PARD3B: variants seen among roughly 807,000 people sequenced by gnomAD.
PARD3B encodes partitioning defective 3 homolog B.
Under a neutral mutation model 130.2 loss-of-function variants are expected in PARD3B, and 103 were observed. The ratio of observed to expected loss-of-function variants is 0.79; its 90% CI spans 0.67 to 0.93. The LOEUF is 0.93. Ranked by LOEUF, PARD3B falls within the 40% of genes least tolerant of loss-of-function variation. PARD3B has a pLI of 0.00. For synonymous variants in PARD3B, 583 were observed against 553.2 expected (o/e 1.05, Z -0.76); for missense variants, 1,609 against 1,499.2 (o/e 1.07, Z -1.21).
rs1407734894 is a variant in PARD3B at position 205,182,514 on chromosome 2, G to C, written c.1925-3250G>C. On this transcript the variant is annotated intron_variant, in intron 13 of 22. Coordinates refer to ENST00000406610, the MANE Select transcript of PARD3B (RefSeq NM_001302769.2). ...TAGAGAAGAGACTGTAGAAGACATGGAAAAACGAGAAAGAGGAACACGAGG... is the reference window on the plus strand; with the variant it reads ...TAGAGAAGAGACTGTAGAAGACATGCAAAAACGAGAAAGAGGAACACGAGG... 2.0e-5 allele frequency among the ~76,000 whole-genome samples: 3 copies of C among 151,824 alleles called. No individual in the cohort carries two copies. In the East Asian group the frequency reaches 5.8e-4, roughly 29 times the overall value.
At chr2:205,450,257 G>T (rs901294881) in intron 20 of PARD3B, among the ~76,000 whole-genome samples, 2 of 152,026 alleles carry the variant, frequency 1.3e-5, no homozygotes, top group South Asian at 2.1e-4. Flanking sequence ...GAAGGTTATT[G>T]ATTGTATCTA....
intron 16 of PARD3B, among the ~76,000 whole-genome samples, chr2:205,254,347 A>G (rs569466597): frequency 2.0e-5 from 3 of 152,254 alleles, no homozygotes; most frequent in African/African-American, 7.2e-5. Context: ...GAGCTCTTAC[A>G]TAATGGACCT....
intron 3 of PARD3B, among the ~76,000 whole-genome samples, chr2:204,984,091 C>G (rs1439543720): frequency 1.3e-5 from 2 of 151,934 alleles, no homozygotes; most frequent in African/African-American, 4.8e-5. Flanking sequence ...GGAGTTTTGC[C>G]TTCCCTGCAT....
rs183783135 is a variant in PARD3B at position 204,596,186 on chromosome 2, C to A, written c.120+50067C>A. ...ATTGTCTAATAACCATGATTTCCTC[C>A]TTTTTTGCTTTGAACAAACTTTTTG... is the stretch of plus-strand genomic sequence containing the variant. On this transcript the variant is annotated intron_variant, in intron 1 of 22. Transcript: ENST00000406610. 5.3e-5 allele frequency among the ~76,000 whole-genome samples: 8 copies of A among 152,222 alleles called. No individual in the cohort carries two copies. The East Asian group carries it at 1.5e-3, about 29-fold the overall frequency.
At chr2:204,847,775 A>G (rs2044524758) in intron 2 of PARD3B, among the ~76,000 whole-genome samples, 2 of 152,176 alleles carry the variant, frequency 1.3e-5, no homozygotes, top group Admixed American at 1.3e-4. Context: ...CAATTTGAAT[A>G]TGCTAAAGAG....
At position 205,253,741 on chromosome 2, in the gene PARD3B, G is replaced by C. The variant is rs2039954403; in HGVS notation, c.2185+7919G>C. On this transcript the variant is annotated intron_variant, in intron 16 of 22. Coordinates refer to ENST00000406610, the MANE Select transcript of PARD3B (RefSeq NM_001302769.2). This position sits in a 1 kb window ranked among gnomAD's most constrained non-coding sequence, Gnocchi z 4.4. ...GCTAGCATGAGCTGTGCAGCAGCAA[G>C]ATTCCATATGAGCAAAGTGCAGAAA... Among the ~76,000 whole-genome samples the C allele has an allele frequency of 6.6e-6, 1 of 152,124 alleles. No homozygotes were observed. Among genetic ancestry groups the C allele is most frequent in the South Asian group, 2.1e-4 (1 of 4,830 alleles).
chr2:204,829,979 A>T, intron 2 of PARD3B, among the ~76,000 whole-genome samples: 1 of 140,624 alleles, frequency 7.1e-6, no homozygotes, highest in Non-Finnish European at 1.5e-5. Context: ...AGCCTGGGCG[A>T]CAGAGCGAGA....
chr2:205,587,798 C>T (rs1372204665), intron 22 of PARD3B, among the ~76,000 whole-genome samples: 1 of 152,218 alleles, frequency 6.6e-6, no homozygotes, highest in Non-Finnish European at 1.5e-5. Flanking sequence ...TGAGCTATTT[C>T]GTTTCCTCCC....
intron 2 of PARD3B, among the ~76,000 whole-genome samples, chr2:204,956,260 C>T (rs376144909): frequency 1.3e-5 from 2 of 152,026 alleles, no homozygotes; most frequent in South Asian, 2.1e-4. Flanking sequence ...GTTTCTGAGA[C>T]GATTCTATCT....
chr2:205,198,365 G>C (rs142578625), intron 15 of PARD3B, among the ~76,000 whole-genome samples: 1 of 152,176 alleles, frequency 6.6e-6, no homozygotes, highest in Non-Finnish European at 1.5e-5. Flanking sequence ...AATGAAGATT[G>C]TTAACATTCC....
chr2:205,165,860 G>C (rs187169764), intron 11 of PARD3B, among the ~76,000 whole-genome samples: 13 of 152,196 alleles, frequency 8.5e-5, no homozygotes, highest in Admixed American at 8.5e-4. Context: ...GACAATAACT[G>C]AATTACATAA....
At chr2:205,573,672 T>C (rs1391845229) in intron 22 of PARD3B, among the ~76,000 whole-genome samples, 1 of 152,234 alleles carries the variant, frequency 6.6e-6, no homozygotes, top group Admixed American at 6.5e-5. Context: ...GGTTCTATCA[T>C]TGATCACCAT....
rs2039347639 is a variant in PARD3B at position 205,241,422 on chromosome 2, A to G, written c.2141-4356A>G. On this transcript the variant is annotated intron_variant, in intron 15 of 22. Coordinates refer to ENST00000406610, the MANE Select transcript of PARD3B (RefSeq NM_001302769.2). The surrounding 1 kb of genome is among the most constrained non-coding windows in gnomAD (Gnocchi z 4.2). ...GTTATAATAAAATAACAGTTATAAA[A>G]ATATTTATGAATTGCAGCTTCAGAA... Among the ~76,000 whole-genome samples, 1 of 152,174 alleles carries G rather than the reference A, an allele frequency of 6.6e-6. No individual in the cohort carries two copies. Among genetic ancestry groups the G allele is most frequent in the Non-Finnish European group, 1.5e-5 (1 of 68,022 alleles).
intron 2 of PARD3B, among the ~76,000 whole-genome samples, chr2:204,899,691 G>A (rs1159675711): frequency 6.6e-6 from 1 of 152,008 alleles, no homozygotes; most frequent in Non-Finnish European, 1.5e-5. Context: ...GTGTTTTTCA[G>A]TGTATTACCA....
At chr2:205,348,747 T>C (rs1327757955) in intron 18 of PARD3B, among the ~76,000 whole-genome samples, 8 of 152,204 alleles carry the variant, frequency 5.3e-5, no homozygotes, top group Admixed American at 5.2e-4. Flanking sequence ...TGCATGCTCT[T>C]TAATTCTCAT....
In PARD3B at chr2:205,611,675, G is replaced by A. The variant is rs1043663600; in HGVS notation, c.3261-3781G>A. On this transcript the variant is annotated intron_variant, in intron 22 of 22. Coordinates refer to ENST00000406610, the MANE Select transcript of PARD3B (RefSeq NM_001302769.2). Reference sequence around the variant, plus strand: ...ATGAGCCTAATCCGAAATAAAATAAGCAATAATTTCAAAATATAGGTATTT... The same window carrying A: ...ATGAGCCTAATCCGAAATAAAATAAACAATAATTTCAAAATATAGGTATTT... 4.6e-5 allele frequency among the ~76,000 whole-genome samples: 7 copies of A among 152,060 alleles called. No homozygotes were observed. In the East Asian group the frequency reaches 1.2e-3, roughly 25 times the overall value.
intron 4 of PARD3B, among the ~76,000 whole-genome samples, chr2:205,102,142 G>C (rs970146415): frequency 6.6e-6 from 1 of 152,064 alleles, no homozygotes; most frequent in Non-Finnish European, 1.5e-5. Flanking sequence ...CCCTAGAACC[G>C]CCTAGCTAAG....
At chr2:204,917,518 A>G (rs1201494303) in intron 2 of PARD3B, among the ~76,000 whole-genome samples, 1 of 152,166 alleles carries the variant, frequency 6.6e-6, no homozygotes, top group East Asian at 1.9e-4. Flanking sequence ...GGGGAATTCT[A>G]TGGGAGTTGC....
chr2:205,388,010 ATTT>A (rs1251437213), intron 18 of PARD3B, among the ~76,000 whole-genome samples: 3 of 152,124 alleles, frequency 2.0e-5, no homozygotes, highest in Non-Finnish European at 4.4e-5. Context: ...AATTTATCTC[ATTT>A]TTAAAAAGAG....
Sources: gnomAD v4.1 joint callset for allele counts (sites outside exome capture counted in the v4.1 genomes callset) on GRCh38, gnomAD v4.1.1 for gene constraint, Gnocchi (gnomAD v3.1) non-coding constraint, MANE v1.5 for transcripts, NCBI Gene and HGNC (gene_info 2026-07-23, HGNC 2026-07-21) for gene names.